Variants in RBFOX1 observed in about 807,000 individuals in gnomAD.
RBFOX1 encodes the protein RNA binding protein fox-1 homolog 1.
Under a neutral mutation model 57.7 loss-of-function variants are expected in RBFOX1, and 8 were observed. The observed-to-expected ratio is 0.14, with a 90% CI of 0.08 to 0.25. The LOEUF is 0.25. Among genes scored for constraint, RBFOX1 ranks in the 10% least tolerant of loss-of-function variants. The pLI is 1.00. For synonymous variants in RBFOX1, 326 were observed against 222.4 expected (o/e 1.47, Z -4.15); for missense variants, 611 against 548.5 (o/e 1.11, Z -1.14).
At chr16:6,154,432 A>T (rs148170393) in intron 1 of RBFOX1, among the ~76,000 whole-genome samples, 3 of 152,242 alleles carry the variant, frequency 2.0e-5, no homozygotes, top group African/African-American at 7.2e-5. Context: ...ACTATGACGT[A>T]GGCAGGGTAT....
At chr16:7,123,484 C>G (rs1328358285) in intron 4 of RBFOX1, among the ~76,000 whole-genome samples, 6 of 152,142 alleles carry the variant, frequency 3.9e-5, no homozygotes, top group Non-Finnish European at 7.3e-5. Flanking sequence ...CCTGCCTTAG[C>G]TTCCTGAGTA....
chr16:6,885,754 A>G (rs914961940), intron 3 of RBFOX1, among the ~76,000 whole-genome samples: 3 of 152,064 alleles, frequency 2.0e-5, no homozygotes, highest in African/African-American at 7.2e-5. Context: ...CTGGTCTCGA[A>G]CTCATGCCTC....
chr16:6,338,348 A>G (rs1296461412), intron 2 of RBFOX1, among the ~76,000 whole-genome samples: 4 of 152,196 alleles, frequency 2.6e-5, no homozygotes, highest in Non-Finnish European at 5.9e-5. Flanking sequence ...CCAATGTTGA[A>G]GTTTGTTAAG....
chr16:6,788,600 C>A (rs774840278), intron 3 of RBFOX1, among the ~76,000 whole-genome samples: 1 of 151,954 alleles, frequency 6.6e-6, no homozygotes, highest in South Asian at 2.1e-4. Context: ...CTCAGCCTCC[C>A]GAGTAGCTGG....
chr16:7,136,609 G>A (rs1453376168), intron 4 of RBFOX1, among the ~76,000 whole-genome samples: 1 of 151,892 alleles, frequency 6.6e-6, no homozygotes, highest in Admixed American at 6.6e-5. Context: ...TAGAGGCTGG[G>A]TCTCATAATG....
At chr16:7,312,432 C>G (rs866768493) in intron 4 of RBFOX1, among the ~76,000 whole-genome samples, 1 of 152,152 alleles carries the variant, frequency 6.6e-6, no homozygotes, top group African/African-American at 2.4e-5. Context: ...GTTAAAGAAA[C>G]GTAGGATTTG....
chr16:5,334,706 A>G (rs552419083), intron 1 of RBFOX1, among the ~76,000 whole-genome samples: 2 of 151,876 alleles, frequency 1.3e-5, no homozygotes, highest in South Asian at 2.1e-4. Context: ...TCTCTTTACA[A>G]TATAATTATA....
intron 4 of RBFOX1, among the ~76,000 whole-genome samples, chr16:5,930,576 G>C (rs1277662098): frequency 8.9e-6 from 1 of 112,352 alleles, no homozygotes; most frequent in Non-Finnish European, 1.8e-5. Flanking sequence ...ATGCATGGTT[G>C]GGTACATGGG....
At chr16:6,015,884 C>G, upstream of RBFOX1, among the ~76,000 whole-genome samples, 1 of 152,212 alleles carries the variant, frequency 6.6e-6, no homozygotes, top group East Asian at 1.9e-4. Flanking sequence ...GGACTGTACG[C>G]TTCTCGAGTG....
intron 4 of RBFOX1, among the ~76,000 whole-genome samples, chr16:7,489,116 C>T (rs965447929): frequency 7.4e-4 from 113 of 152,184 alleles, no homozygotes; most frequent in Non-Finnish European, 1.3e-4. Context: ...TTTTCTCATT[C>T]TGTCCAAATC....
chr16:7,415,566 G>C (rs1263891979), intron 4 of RBFOX1, among the ~76,000 whole-genome samples: 1 of 152,178 alleles, frequency 6.6e-6, no homozygotes, highest in East Asian at 1.9e-4. Flanking sequence ...TTCTGGCTTT[G>C]TGATTTGGGG....
chr16:7,012,164 C>A (rs532680895), intron 3 of RBFOX1, among the ~76,000 whole-genome samples: 17 of 152,302 alleles, frequency 1.1e-4, no homozygotes, highest in Admixed American at 1.1e-3. Context: ...TGATCACTAT[C>A]ATTTATTGAC....
chr16:5,672,460 AG>A (rs1158432578), intron 3 of RBFOX1, among the ~76,000 whole-genome samples: 3 of 152,146 alleles, frequency 2.0e-5, no homozygotes, highest in Non-Finnish European at 4.4e-5. Context: ...GAACCTTTGA[AG>A]GCTGGCTTTG....
intron 4 of RBFOX1, among the ~76,000 whole-genome samples, chr16:5,955,900 C>G (rs553052210): frequency 9.8e-4 from 149 of 152,240 alleles, no homozygotes; most frequent in African/African-American, 3.4e-3. Context: ...GCTCAAATAG[C>G]AAACACTTAA....
intron 2 of RBFOX1, among the ~76,000 whole-genome samples, chr16:6,609,518 A>G: frequency 6.6e-6 from 1 of 151,714 alleles, no homozygotes; most frequent in East Asian, 1.9e-4. Context: ...TAATTTTTGT[A>G]TTTTTTGTAA....
At position 7,188,460 on chromosome 16, in the gene RBFOX1, C is replaced by G. The variant is rs9939505; in HGVS notation, c.27+136362C>G. On this transcript the variant is annotated intron_variant, in intron 4 of 15. Transcript: ENST00000550418. ...AGAGGAAGCTTTTAGCTGCATGTTA[C>G]AGAGGTCTAATATGGACCCTAACTG... 9.4e-3 allele frequency among the ~76,000 whole-genome samples: 1,438 copies of G among 152,284 alleles called. 16 individuals carry two copies. Among genetic ancestry groups the G allele is most frequent in the African/African-American group, 0.033 (1,368 of 41,556 alleles).
At chr16:6,417,202 G>T (rs1262000944) in intron 2 of RBFOX1, among the ~76,000 whole-genome samples, 2 of 151,656 alleles carry the variant, frequency 1.3e-5, no homozygotes, top group Non-Finnish European at 2.9e-5. Flanking sequence ...AGTAGAGATG[G>T]GGTTTCACCA....
Position 7,710,957 on chromosome 16 carries a change from C to T in RBFOX1, c.*212C>T, listed in dbSNP as rs935261628. ...TGTGGGTCTTTAATTTCTGAAGGTT[C>T]CGTAGTTTGGTTGCTGGCTGTAGGA... On this transcript the variant is annotated 3_prime_UTR_variant, in exon 16 of 16. Transcript: ENST00000550418. The T allele has an allele frequency of 5.3e-6, 3 of 566,588 alleles. No individual in the cohort carries two copies. The highest frequency in any genetic ancestry group is 8.0e-6 in the Non-Finnish European group (3 of 375,704). 35.1% of individuals were successfully genotyped at this position (566,588 alleles called of 1,614,324 possible). A position where few individuals can be genotyped will look rare whatever the true frequency, so the allele number is the denominator to read the frequency against.
At position 6,229,444 on chromosome 16, in the gene RBFOX1, G is replaced by T. The variant is rs544863173; in HGVS notation, c.-126-87551G>T. Reference sequence around the variant, plus strand: ...CAGTTTCCACCCTCCCTTTTGTTCTGTGTGTTTGAATCAAGAACCGGCAAA... The same window carrying T: ...CAGTTTCCACCCTCCCTTTTGTTCTTTGTGTTTGAATCAAGAACCGGCAAA... On this transcript the variant is annotated intron_variant, in intron 1 of 15. Coordinates refer to ENST00000550418, the MANE Select transcript of RBFOX1 (RefSeq NM_018723.4). Among the ~76,000 whole-genome samples, 3 of 152,120 alleles carry T rather than the reference G, an allele frequency of 2.0e-5. No homozygotes were observed. In the South Asian group the frequency reaches 6.2e-4, roughly 32 times the overall value.
Sources: gnomAD v4.1 joint callset for allele counts (sites outside exome capture counted in the v4.1 genomes callset) on GRCh38, gnomAD v4.1.1 for gene constraint, MANE v1.5 for transcripts, NCBI Gene and HGNC (gene_info 2026-07-23, HGNC 2026-07-21) for gene names.